EPM2A: variants seen among roughly 807,000 people sequenced by gnomAD.
The protein encoded by EPM2A is laforin.
In EPM2A, 21 loss-of-function variants were observed where a neutral mutation model predicts 26.5. The ratio of observed to expected loss-of-function variants is 0.79; its 90% CI spans 0.56 to 1.14. The LOEUF (loss-of-function observed/expected upper bound fraction) is 1.14, where lower values mean the gene tolerates loss of function less well. Among genes scored for constraint, EPM2A ranks in the 50% most tolerant of loss-of-function variants. The pLI, the probability that EPM2A is intolerant of heterozygous loss-of-function variation, is 0.00. For synonymous variants in EPM2A, 217 were observed against 177.6 expected (o/e 1.22, Z -1.76); for missense variants, 458 against 440.8 (o/e 1.04, Z -0.35).
At chr6:145,460,295 C>T (rs1441816001) in intron 4 of EPM2A, among the ~76,000 whole-genome samples, 1 of 152,090 alleles carries the variant, frequency 6.6e-6, no homozygotes, top group Non-Finnish European at 1.5e-5. Context: ...AAGCCTTAAA[C>T]CAGAAGTAGA....
At chr6:145,631,142 C>T (rs1005322312) in intron 3 of EPM2A, 1 of 151,892 alleles carries the variant, frequency 6.6e-6, no homozygotes, top group African/African-American at 2.4e-5. Flanking sequence ...GAGGAGCCCT[C>T]TCAAGAGGAC....
chr6:145,519,442 G>C (rs1204566813), intron 2 of EPM2A, among the ~76,000 whole-genome samples: 1 of 152,072 alleles, frequency 6.6e-6, no homozygotes, highest in Admixed American at 6.6e-5. Flanking sequence ...TTTCCCTTCA[G>C]GGTTGGTTTT....
chr6:145,558,413 T>C (rs1219374011), intron 2 of EPM2A, among the ~76,000 whole-genome samples: 3 of 152,258 alleles, frequency 2.0e-5, no homozygotes, highest in African/African-American at 7.2e-5. Context: ...AGATATCTGT[T>C]TGACATACTG....
chr6:145,420,902 A>G (rs920404244), intron 4 of EPM2A, among the ~76,000 whole-genome samples: 3 of 152,172 alleles, frequency 2.0e-5, no homozygotes, highest in African/African-American at 4.8e-5. Context: ...CACTCCCAAG[A>G]TAACTAACTC....
chr6:145,426,890 T>A (rs1433434911), intron 4 of EPM2A, among the ~76,000 whole-genome samples: 3 of 152,228 alleles, frequency 2.0e-5, no homozygotes, highest in African/African-American at 7.2e-5. Context: ...TGAATCATCT[T>A]CAAAATGCAA....
intron 2 of EPM2A, among the ~76,000 whole-genome samples, chr6:145,530,739 T>C (rs970335177): frequency 2.0e-5 from 3 of 152,240 alleles, no homozygotes; most frequent in African/African-American, 7.2e-5. Context: ...GGCAGAAATT[T>C]ACATAATTAA....
intron 2 of EPM2A, chr6:145,671,198 A>G: frequency 9.8e-7 from 1 of 1,022,136 alleles, no homozygotes; most frequent in Non-Finnish European, 1.2e-6. Context: ...GCAAAGTAAA[A>G]AAAAAAAAAT....
At chr6:145,510,924 C>T (rs762920589) in intron 2 of EPM2A, among the ~76,000 whole-genome samples, 1 of 152,052 alleles carries the variant, frequency 6.6e-6, no homozygotes, top group Non-Finnish European at 1.5e-5. Context: ...ACAACTTCTC[C>T]AATAGAAATA....
chr6:145,620,669 C>A (rs1212369995), downstream of EPM2A, among the ~76,000 whole-genome samples: 1 of 152,234 alleles, frequency 6.6e-6, no homozygotes, highest in African/African-American at 2.4e-5. Context: ...ATGACAATGA[C>A]CTGTTCTGTT....
chr6:145,562,647 C>CA (rs1391068306), intron 2 of EPM2A, among the ~76,000 whole-genome samples: 8 of 152,048 alleles, frequency 5.3e-5, no homozygotes. Context: ...CTGGGGAGGC[C>CA]ACCAGTCCCC....
intron 2 of EPM2A, among the ~76,000 whole-genome samples, chr6:145,566,480 G>T (rs950113514): frequency 6.6e-6 from 1 of 152,176 alleles, no homozygotes; most frequent in Non-Finnish European, 1.5e-5. Flanking sequence ...TCTCTCACCT[G>T]TATAATGCCC....
chr6:145,668,671 T>C (rs697053), intron 2 of EPM2A, among the ~76,000 whole-genome samples: 97,311 of 151,874 alleles, frequency 0.64, 31,798 homozygotes, highest in African/African-American at 0.74. Context: ...TGCTATGATC[T>C]CAGAGCAGTA....
intron 4 of EPM2A, among the ~76,000 whole-genome samples, chr6:145,442,432 G>C (rs1196997969): frequency 6.6e-6 from 1 of 152,160 alleles, no homozygotes; most frequent in Non-Finnish European, 1.5e-5. Context: ...ATGGTGGAAG[G>C]TGCAAAGCAG....
At chr6:145,551,749 A>G (rs1469519332) in intron 2 of EPM2A, among the ~76,000 whole-genome samples, 1 of 152,066 alleles carries the variant, frequency 6.6e-6, no homozygotes, top group Non-Finnish European at 1.5e-5. Flanking sequence ...ATCAAGGAAA[A>G]TAAATCATTA....
chr6:145,581,976 GA>G (rs368123047), intron 2 of EPM2A, among the ~76,000 whole-genome samples: 2 of 152,198 alleles, frequency 1.3e-5, no homozygotes, highest in East Asian at 1.9e-4. Flanking sequence ...AGTCTCTTAA[GA>G]TTTTTTTTGT....
At chr6:145,462,669 A>G (rs560414255) in intron 4 of EPM2A, among the ~76,000 whole-genome samples, 100 of 152,296 alleles carry the variant, frequency 6.6e-4, no homozygotes, top group African/African-American at 2.3e-3. Context: ...GCCAGAACCC[A>G]GTAAGTCTGT....
At chr6:145,687,237 A>T (rs1403052303) in intron 1 of EPM2A, among the ~76,000 whole-genome samples, 1 of 151,922 alleles carries the variant, frequency 6.6e-6, no homozygotes, top group African/African-American at 2.4e-5. Flanking sequence ...GAGGGGTGAA[A>T]GAAACCCCTT....
At chr6:145,503,162 G>T (rs1779917942) in intron 2 of EPM2A, among the ~76,000 whole-genome samples, 1 of 152,172 alleles carries the variant, frequency 6.6e-6, no homozygotes, top group South Asian at 2.1e-4. Context: ...ATAGAGGAAA[G>T]CTTTAATGTA....
intron 4 of EPM2A, among the ~76,000 whole-genome samples, chr6:145,452,015 G>T (rs1181435765): frequency 6.6e-6 from 1 of 152,082 alleles, no homozygotes; most frequent in African/African-American, 2.4e-5. Context: ...TTTCTTGCTA[G>T]CATTCTCCTT....
Sources: gnomAD v4.1 joint callset for allele counts (sites outside exome capture counted in the v4.1 genomes callset) on GRCh38, gnomAD v4.1.1 for gene constraint, MANE v1.5 for transcripts, NCBI Gene and HGNC (gene_info 2026-07-23, HGNC 2026-07-21) for gene names.